The following THSD4 variants were observed in gnomAD, a reference collection of about 807,000 sequenced individuals.
THSD4 encodes the protein thrombospondin type-1 domain-containing protein 4.
Under a neutral mutation model 119.0 loss-of-function variants are expected in THSD4, and 69 were observed. That is an observed-to-expected ratio of 0.58 (90% confidence interval 0.48 to 0.71). The LOEUF is 0.71. Ranked by LOEUF, THSD4 falls within the 30% of genes least tolerant of loss-of-function variation. The probability of loss-of-function intolerance (pLI) is 0.00; values close to 1 mark genes in which losing one functional copy is unlikely to be tolerated. For missense variants in THSD4, 1,393 were observed against 1,391.1 expected (o/e 1.00, Z -0.02); for synonymous variants, 524 against 540.4 (o/e 0.97, Z 0.42).
At chr15:71,229,360 T>C (rs111918754) in intron 4 of THSD4, among the ~76,000 whole-genome samples, 24 of 152,350 alleles carry the variant, frequency 1.6e-4, no homozygotes, top group African/African-American at 5.5e-4. Context: ...TGGTGTGCAG[T>C]GGGGATTGAT....
At chr15:71,442,992 G>A (rs1282002090) in intron 7 of THSD4, among the ~76,000 whole-genome samples, 1 of 151,632 alleles carries the variant, frequency 6.6e-6, no homozygotes, top group Non-Finnish European at 1.5e-5. Flanking sequence ...AGCCCCTTGA[G>A]GGCAGACCCA....
In THSD4 at chr15:71,213,806, A is replaced by G. The variant is rs138554309; in HGVS notation, c.100-1229A>G. Among the ~76,000 whole-genome samples the G allele has an allele frequency of 1.1e-4, 16 of 152,322 alleles. No homozygotes were observed. In the East Asian group the frequency reaches 2.5e-3, roughly 24 times the overall value. On this transcript the variant is annotated intron_variant, in intron 3 of 17. Transcript: ENST00000261862. ...GGGACATTATTATCATTACTAACAA[A>G]TATTTGTTTAGTGCCAAGCTCTCTG...
At chr15:71,363,546 GT>G in intron 6 of THSD4, among the ~76,000 whole-genome samples, 1 of 152,320 alleles carries the variant, frequency 6.6e-6, no homozygotes. Flanking sequence ...TCAGGCAGCA[GT>G]GGAAAATGTT....
At chr15:71,475,241 G>T (rs2047640277) in intron 7 of THSD4, among the ~76,000 whole-genome samples, 1 of 152,224 alleles carries the variant, frequency 6.6e-6, no homozygotes, top group Non-Finnish European at 1.5e-5. Context: ...TTTGTTTATA[G>T]ATCTCTGCAC....
chr15:71,578,758 T>A (rs932619703), intron 7 of THSD4, among the ~76,000 whole-genome samples: 3 of 152,144 alleles, frequency 2.0e-5, no homozygotes, highest in Non-Finnish European at 2.9e-5. Context: ...TAATATATGA[T>A]AGTAAATAAT....
At chr15:71,494,019 C>A (rs893588596) in intron 7 of THSD4, among the ~76,000 whole-genome samples, 1 of 152,162 alleles carries the variant, frequency 6.6e-6, no homozygotes, top group Non-Finnish European at 1.5e-5. Context: ...TTTACAGCGT[C>A]GCTTTCAGGT....
intron 17 of THSD4, among the ~76,000 whole-genome samples, chr15:71,775,604 G>C (rs746896443): frequency 7.9e-5 from 12 of 151,764 alleles, no homozygotes; most frequent in Non-Finnish European, 1.3e-4. Context: ...CCAGCTACTC[G>C]GGAGGCTGAG....
At chr15:71,470,603 C>T (rs1370534483) in intron 7 of THSD4, among the ~76,000 whole-genome samples, 1 of 152,012 alleles carries the variant, frequency 6.6e-6, no homozygotes, top group Non-Finnish European at 1.5e-5. Context: ...GATCACAAAG[C>T]TAATAAATGG....
Position 71,724,287 on chromosome 15 carries a change from A to ATATATTTTT in THSD4, c.1358-4261_1358-4260insATATTTTTT. Among the ~76,000 whole-genome samples, 17 of 37,286 alleles carry ATATATTTTT rather than the reference A, an allele frequency of 4.6e-4. 1 individual carries two copies. Among genetic ancestry groups the ATATATTTTT allele is most frequent in the South Asian group, 2.0e-3 (1 of 492 alleles). The allele number at this position is 37,286 out of a possible 152,430, so 24.5% of individuals were successfully genotyped here. A position where few individuals can be genotyped will look rare whatever the true frequency, so the allele number is the denominator to read the frequency against. ...ATGGGATATATATATATATATATAT[A>ATATATTTTT]TTTTTTTTTTCCCCCCAAGATGGAA... is the stretch of plus-strand genomic sequence containing the variant. On this transcript the variant is annotated intron_variant, in intron 8 of 17. Coordinates refer to ENST00000261862, the MANE Select transcript of THSD4 (RefSeq NM_024817.3).
At chr15:71,336,582 C>T (rs2045492329) in intron 6 of THSD4, among the ~76,000 whole-genome samples, 1 of 152,144 alleles carries the variant, frequency 6.6e-6, no homozygotes, top group Non-Finnish European at 1.5e-5. Flanking sequence ...TTTTGAAGTA[C>T]CACATGTTCA....
chr15:71,633,796 C>A (rs1414372095), intron 7 of THSD4, among the ~76,000 whole-genome samples: 1 of 152,164 alleles, frequency 6.6e-6, no homozygotes, highest in African/African-American at 2.4e-5. Flanking sequence ...TGGGATTTAA[C>A]AACAGATAAG....
chr15:71,690,665 C>T (rs2052028546), intron 8 of THSD4, among the ~76,000 whole-genome samples: 1 of 152,204 alleles, frequency 6.6e-6, no homozygotes, highest in Non-Finnish European at 1.5e-5. Flanking sequence ...CTTACAGTTT[C>T]ATGTGGTTGG....
intron 7 of THSD4, among the ~76,000 whole-genome samples, chr15:71,575,961 G>A (rs1453898335): frequency 1.3e-5 from 2 of 152,180 alleles, no homozygotes; most frequent in Non-Finnish European, 2.9e-5. Context: ...TGAAAATGAA[G>A]ACTATTGTAG....
intron 4 of THSD4, among the ~76,000 whole-genome samples, chr15:71,221,075 G>T (rs72759632): frequency 0.082 from 12,491 of 152,146 alleles, 646 homozygotes; most frequent in Middle Eastern, 0.14. Flanking sequence ...AGGGAAGAAA[G>T]GTGTTTAGGT....
chr15:71,209,837 T>C (rs2043874401), intron 3 of THSD4, among the ~76,000 whole-genome samples: 1 of 152,126 alleles, frequency 6.6e-6, no homozygotes, highest in Non-Finnish European at 1.5e-5. Flanking sequence ...GCTATTCTTA[T>C]GATAGTGAGT....
intron 6 of THSD4, among the ~76,000 whole-genome samples, chr15:71,286,748 A>G (rs1014215723): frequency 1.3e-5 from 2 of 152,210 alleles, no homozygotes; most frequent in African/African-American, 4.8e-5. Context: ...ACAATGGCTG[A>G]ACTAATTTAC....
At chr15:71,766,836 T>C (rs535641542) in intron 16 of THSD4, 4 of 152,092 alleles carry the variant, frequency 2.6e-5, no homozygotes, top group South Asian at 2.1e-4. Context: ...CACAAAAATA[T>C]GGATGAACTT....
Position 71,416,314 on chromosome 15 carries a change from G to A in THSD4, c.1152+4491G>A, listed in dbSNP as rs1317360292. 1.5e-4 allele frequency among the ~76,000 whole-genome samples: 6 copies of A among 39,484 alleles called. 1 individual carries two copies. The highest frequency in any genetic ancestry group is 9.0e-4 in the Admixed American group (2 of 2,220). 25.9% of individuals were successfully genotyped at this position (39,484 alleles called of 152,430 possible). ...TGAATAGTGTTGCAGATATCTCTTC[G>A]ATACACTGATTTCTTTTCTTTGGGG... On this transcript the variant is annotated intron_variant, in intron 7 of 17. Transcript: ENST00000261862.
intron 8 of THSD4, among the ~76,000 whole-genome samples, chr15:71,684,712 G>A (rs545531493): frequency 1.7e-4 from 26 of 152,026 alleles, no homozygotes; most frequent in African/African-American, 4.8e-4. Flanking sequence ...TCTGTATTCC[G>A]AAGTGAGATT....
Sources: allele counts gnomAD v4.1 joint callset (sites outside exome capture counted in the v4.1 genomes callset), GRCh38; gene constraint gnomAD v4.1.1; transcripts MANE v1.5; gene names NCBI Gene and HGNC (gene_info 2026-07-23, HGNC 2026-07-21).